The following ODF2 variants were observed in gnomAD, a reference collection of about 807,000 sequenced individuals.
ODF2 encodes the protein outer dense fiber of sperm tails 2.
In ODF2, 47 loss-of-function variants were observed where a neutral mutation model predicts 110.2. The ratio of observed to expected loss-of-function variants is 0.43; its 90% confidence interval spans 0.34 to 0.54. The LOEUF (loss-of-function observed/expected upper bound fraction) is 0.54. ODF2 is among the 20% of genes least tolerant of loss of function. ODF2 has a pLI of 0.03. For missense variants in ODF2, 812 were observed against 1,054.5 expected (o/e 0.77, Z 3.19); for synonymous variants, 352 against 397.7 (o/e 0.89, Z 1.37).
intron 18 of ODF2, chr9:128,497,645 A>G (rs1335516077): frequency 6.6e-6 from 1 of 150,466 alleles, no homozygotes; most frequent in African/African-American, 2.4e-5. Flanking sequence ...CTCCATCTCA[A>G]AAAAAAAGAG....
In ODF2 at chr9:128,492,245, A is replaced by G. The variant is rs570710820; in HGVS notation, c.1537-181A>G. On this transcript the variant is annotated intron_variant, in intron 14 of 20. Coordinates refer to ENST00000604420, the Ensembl canonical transcript of ODF2. ...ACAGAAGTCATTTATTTGCATCTCT[A>G]TTCACTTGAGGTGGTAACATTAGGA... Among the ~76,000 whole-genome samples the G allele has an allele frequency of 5.3e-5, 8 of 151,580 alleles. No homozygotes were observed. In the South Asian group the frequency reaches 1.0e-3, roughly 20 times the overall value.
rs571566173 is a variant in ODF2 at position 128,458,835 on chromosome 9, A to T, written c.33-732A>T. 5.3e-3 allele frequency among the ~76,000 whole-genome samples: 798 copies of T among 151,318 alleles called. 2 individuals carry two copies. Among genetic ancestry groups the T allele is most frequent in the Non-Finnish European group, 7.2e-3 (485 of 67,790 alleles). On this transcript the variant is annotated intron_variant, in intron 2 of 20. Transcript: ENST00000604420. ...CCTGAGCCTAATGCTCTTTGAAAAA[A>T]TTTTTTTTTCTTTTTTGTTGTTGTT...
chr9:128,485,587 G>A lies in ODF2; in HGVS notation c.1400+113G>A, dbSNP rs369601433. On this transcript the variant is annotated intron_variant, in intron 13 of 20. Transcript: ENST00000604420. The surrounding 1 kb of genome is among the most constrained non-coding windows in gnomAD (Gnocchi z 5.0). Reference sequence around the variant, plus strand: ...ACGTGGCTGCTGTTTGTACTCTCCGGGTTGGGGGCTGCACTGGGCTGTGAT... The same window carrying A: ...ACGTGGCTGCTGTTTGTACTCTCCGAGTTGGGGGCTGCACTGGGCTGTGAT... 1.2e-5 allele frequency: 8 copies of A among 642,762 alleles called. No homozygotes were observed. The East Asian group carries it at 1.9e-4, about 16-fold the overall frequency. The allele number at this position is 642,762 out of a possible 1,614,324, so 39.8% of individuals were successfully genotyped here.
chr9:128,488,825 G>A (rs1419546370), intron 14 of ODF2, among the ~76,000 whole-genome samples: 3 of 152,084 alleles, frequency 2.0e-5, no homozygotes, highest in Non-Finnish European at 4.4e-5. Context: ...CCAACATAGC[G>A]AAACCCTGTC....
chr9:128,493,166 A>G (rs192313140), intron 16 of ODF2, among the ~76,000 whole-genome samples: 148 of 151,972 alleles, frequency 9.7e-4, no homozygotes, highest in African/African-American at 3.2e-3. Context: ...AGGCAGGTCA[A>G]CTGAGGTTGG....
At chr9:128,498,222 C>A in intron 18 of ODF2, 191 bp from the exon 19 acceptor site, 1 of 737,136 alleles carries the variant, frequency 1.4e-6, no homozygotes, top group Non-Finnish European at 2.0e-6. Flanking sequence ...TGTTCTCTAA[C>A]CAGTTGCTCC....
At chr9:128,461,136 T>C in intron 4 of ODF2, 69 bp downstream of exon 4, 1 of 1,561,264 alleles carries the variant, frequency 6.4e-7, no homozygotes, top group South Asian at 1.2e-5. Context: ...AGCCTCGGTA[T>C]GATTCAGGGT....
intron 11 of ODF2, among the ~76,000 whole-genome samples, chr9:128,484,373 C>T (rs1842981620): frequency 6.6e-6 from 1 of 152,108 alleles, no homozygotes; most frequent in Admixed American, 6.6e-5. Flanking sequence ...GCCCAGGGGT[C>T]CTCTGAGGTC....
chr9:128,457,365 G>A, exon 2 of ODF2: 5 of 1,612,454 alleles, frequency 3.1e-6, no homozygotes, highest in Non-Finnish European at 4.2e-6. Flanking sequence ...AGCAGAGCCT[G>A]CTGACCCAAT....
intron 4 of ODF2, among the ~76,000 whole-genome samples, chr9:128,466,070 C>T (rs1386730927): frequency 3.3e-5 from 5 of 151,192 alleles, no homozygotes; most frequent in Admixed American, 6.6e-5. Context: ...GCCCATGAGG[C>T]GGAGGTTGCA....
intron 20 of ODF2, among the ~76,000 whole-genome samples, chr9:128,499,553 C>T (rs1846218423): frequency 6.6e-6 from 1 of 152,120 alleles, no homozygotes; most frequent in Non-Finnish European, 1.5e-5. Flanking sequence ...TCATGGCCTC[C>T]CAAAGTGCTG....
In ODF2 at chr9:128,460,930, C is replaced by G. The variant is rs1363503164; in HGVS notation, c.124-12C>G. On this transcript the variant is annotated splice_polypyrimidine_tract_variant and intron_variant, in intron 3 of 20. Transcript: ENST00000604420. ...GGTGTGGAAGTGACCCTGGGTTTGT[C>G]CCTTTCCACAGAAATCTCACAAGCG... 1 of 1,614,014 alleles carries G rather than the reference C, an allele frequency of 6.2e-7. No individual in the cohort carries two copies. Among genetic ancestry groups the G allele is most frequent in the African/African-American group, 1.3e-5 (1 of 74,908 alleles).
intron 8 of ODF2, among the ~76,000 whole-genome samples, chr9:128,475,944 G>A (rs931268339): frequency 6.6e-6 from 1 of 151,538 alleles, no homozygotes; most frequent in Admixed American, 6.6e-5. Context: ...GCGCCCGGCC[G>A]AGTTCAACTT....
chr9:128,456,432 G>A, intron 1 of ODF2, 177 bp downstream of exon 1: 1 of 1,496,864 alleles, frequency 6.7e-7, no homozygotes, highest in Non-Finnish European at 8.8e-7. Context: ...CCACCGGCGC[G>A]GGGCCTCTCC....
intron 14 of ODF2, among the ~76,000 whole-genome samples, chr9:128,488,380 G>A (rs1156286977): frequency 7.9e-5 from 12 of 152,098 alleles, no homozygotes; most frequent in Non-Finnish European, 1.5e-5. Flanking sequence ...AGCCGAGATC[G>A]CCCCACTGCA....
In ODF2 at chr9:128,460,924, G is replaced by T. The variant is rs1031900737; in HGVS notation, c.124-18G>T. On this transcript the variant is annotated intron_variant, in intron 3 of 20. Coordinates refer to ENST00000604420, the Ensembl canonical transcript of ODF2. ...CAGCTGGGTGTGGAAGTGACCCTGG[G>T]TTTGTCCCTTTCCACAGAAATCTCA... 2 of 1,614,160 alleles carry T rather than the reference G, an allele frequency of 1.2e-6. No individual in the cohort carries two copies.
intron 9 of ODF2, among the ~76,000 whole-genome samples, chr9:128,482,457 G>A (rs185132140): frequency 6.6e-6 from 1 of 152,222 alleles, no homozygotes; most frequent in African/African-American, 2.4e-5. Flanking sequence ...GCTATGGAAC[G>A]AAGTAGGCAT....
At chr9:128,471,370 G>T in exon 6 of ODF2, 1 of 1,613,694 alleles carries the variant, frequency 6.2e-7, no homozygotes, top group Non-Finnish European at 8.5e-7. Context: ...GGAAGGAAGA[G>T]CTGGAGGAGG....
intron 10 of ODF2, 104 bp downstream of exon 10, chr9:128,482,991 A>G: frequency 1.2e-6 from 1 of 822,956 alleles, no homozygotes; most frequent in Non-Finnish European, 1.9e-6. Flanking sequence ...TGCCTCCCGG[A>G]TTTGAGTGAT....
Sources: allele counts gnomAD v4.1 joint callset (sites outside exome capture counted in the v4.1 genomes callset), GRCh38; gene constraint gnomAD v4.1.1; non-coding constraint Gnocchi (gnomAD v3.1); transcripts MANE v1.5; gene names NCBI Gene and HGNC (gene_info 2026-07-23, HGNC 2026-07-21).